Variants in PDE10A observed in about 807,000 individuals in gnomAD.
The protein encoded by PDE10A is phosphodiesterase 10A.
Under a neutral mutation model 97.7 loss-of-function variants are expected in PDE10A, and 39 were observed. The ratio of observed to expected loss-of-function variants is 0.40; its 90% CI spans 0.31 to 0.52. PDE10A has a LOEUF of 0.52. Ranked by LOEUF, PDE10A falls within the 20% of genes least tolerant of loss-of-function variation. The pLI is 0.56. For missense variants in PDE10A, 731 were observed against 1,047.8 expected, an observed-to-expected ratio of 0.70 and a Z score of 4.17; for synonymous variants, 371 against 376.8, an observed-to-expected ratio of 0.98 and a Z score of 0.18.
chr6:165,403,637 T>C (rs530473753), intron 13 of PDE10A, among the ~76,000 whole-genome samples: 1 of 152,354 alleles, frequency 6.6e-6, no homozygotes, highest in East Asian at 1.9e-4. Flanking sequence ...ATATTTTCTA[T>C]ATGTTTGTCA....
intron 1 of PDE10A, among the ~76,000 whole-genome samples, chr6:165,764,828 C>T (rs1055304047): frequency 1.3e-5 from 2 of 152,148 alleles, no homozygotes; most frequent in South Asian, 2.1e-4. Flanking sequence ...GGGACCCGAG[C>T]GGGTTGCCAC....
chr6:165,955,750 C>T (rs528543101), intron 1 of PDE10A, among the ~76,000 whole-genome samples: 1 of 152,128 alleles, frequency 6.6e-6, no homozygotes, highest in Non-Finnish European at 1.5e-5. Context: ...AACTTAAATT[C>T]TAGTAACGTG....
At chr6:165,365,086 A>G (rs1472332275) in intron 18 of PDE10A, among the ~76,000 whole-genome samples, 3 of 152,102 alleles carry the variant, frequency 2.0e-5, no homozygotes, top group Non-Finnish European at 4.4e-5. Context: ...GACAACAAAT[A>G]AATGAAAAAT....
chr6:165,888,248 C>T (rs1039138018), intron 1 of PDE10A, among the ~76,000 whole-genome samples: 9 of 151,980 alleles, frequency 5.9e-5, no homozygotes, highest in Non-Finnish European at 8.8e-5. Context: ...AGCTCATTAC[C>T]TTCCAATCTT....
At chr6:165,769,328 C>T (rs1298981260) in intron 1 of PDE10A, among the ~76,000 whole-genome samples, 2 of 152,182 alleles carry the variant, frequency 1.3e-5, no homozygotes, top group Non-Finnish European at 2.9e-5. Flanking sequence ...TTTATAGTGA[C>T]TCTGTGTTAT....
intron 1 of PDE10A, among the ~76,000 whole-genome samples, chr6:165,805,175 G>A (rs1262568017): frequency 6.6e-6 from 1 of 152,174 alleles, no homozygotes; most frequent in East Asian, 2.0e-4. Context: ...CGTGGGACGC[G>A]CGGTTCTTCC....
At chr6:165,958,522 A>G (rs1267058982) in intron 1 of PDE10A, among the ~76,000 whole-genome samples, 4 of 15,330 alleles carry the variant, frequency 2.6e-4, no homozygotes, top group East Asian at 4.4e-3. Flanking sequence ...AGAAAGAAAG[A>G]AAGAAAGAAA....
intron 2 of PDE10A, among the ~76,000 whole-genome samples, chr6:165,519,884 A>G (rs1444999091): frequency 6.6e-6 from 1 of 152,142 alleles, no homozygotes; most frequent in Non-Finnish European, 1.5e-5. Flanking sequence ...TAGGGAAGAA[A>G]TGCCTAAGTC....
At chr6:165,434,585 G>A (rs918001726) in intron 6 of PDE10A, among the ~76,000 whole-genome samples, 2 of 152,128 alleles carry the variant, frequency 1.3e-5, no homozygotes, top group African/African-American at 4.8e-5. Context: ...ATTTGCTCTG[G>A]CTAATGGGAG....
intron 1 of PDE10A, among the ~76,000 whole-genome samples, chr6:165,865,031 A>G (rs774488258): frequency 2.2e-4 from 34 of 152,308 alleles, no homozygotes; most frequent in Non-Finnish European, 4.1e-4. Flanking sequence ...CTTTACCACC[A>G]CCTGGAAGCT....
chr6:165,525,156 T>C (rs1002465712), intron 2 of PDE10A, among the ~76,000 whole-genome samples: 6 of 151,994 alleles, frequency 3.9e-5, no homozygotes, highest in African/African-American at 1.4e-4. Context: ...AAGTTGAGAG[T>C]GTGACCCATG....
intron 5 of PDE10A, among the ~76,000 whole-genome samples, chr6:165,447,917 A>G (rs2128247966): frequency 6.6e-6 from 1 of 152,338 alleles, no homozygotes; most frequent in African/African-American, 2.4e-5. Flanking sequence ...GGCCATGGAA[A>G]TGAATAAGAA....
At chr6:165,744,814 C>G (rs573759652) in intron 1 of PDE10A, among the ~76,000 whole-genome samples, 1 of 150,582 alleles carries the variant, frequency 6.6e-6, no homozygotes, top group Non-Finnish European at 1.5e-5. Flanking sequence ...ACATATCCAG[C>G]CCAGGGTTTT....
chr6:165,624,272 C>T (rs1774619885), intron 1 of PDE10A, among the ~76,000 whole-genome samples: 1 of 152,182 alleles, frequency 6.6e-6, no homozygotes, highest in South Asian at 2.1e-4. Context: ...TCGCTCCCCA[C>T]CCAACCCATG....
At chr6:165,651,765 T>C (rs1351962330) in intron 1 of PDE10A, among the ~76,000 whole-genome samples, 1 of 152,236 alleles carries the variant, frequency 6.6e-6, no homozygotes, top group Non-Finnish European at 1.5e-5. Flanking sequence ...CATTTAAATA[T>C]ACACATAAAT....
At chr6:165,336,436 CAT>C (rs1406979387) in intron 20 of PDE10A, among the ~76,000 whole-genome samples, 2 of 152,272 alleles carry the variant, frequency 1.3e-5, no homozygotes, top group East Asian at 3.9e-4. Flanking sequence ...AGATTCAAAA[CAT>C]ATTACAAAGG....
At chr6:165,535,734 T>C (rs1202835842) in intron 2 of PDE10A, among the ~76,000 whole-genome samples, 1 of 151,890 alleles carries the variant, frequency 6.6e-6, no homozygotes, top group Non-Finnish European at 1.5e-5. Flanking sequence ...ATCTTTTCTA[T>C]ATAATGATTT....
intron 1 of PDE10A, among the ~76,000 whole-genome samples, chr6:165,742,315 G>A (rs984225691): frequency 6.6e-6 from 1 of 152,092 alleles, no homozygotes; most frequent in Non-Finnish European, 1.5e-5. Flanking sequence ...AAGTGCTCTC[G>A]CTGTTTCCCG....
chr6:165,682,166 CT>C (rs773158645), intron 1 of PDE10A, among the ~76,000 whole-genome samples: 2 of 152,194 alleles, frequency 1.3e-5, no homozygotes, highest in Non-Finnish European at 1.5e-5. Context: ...CGGTCTCACT[CT>C]GTCACCCAGG....
Sources: gnomAD v4.1 joint callset for allele counts (sites outside exome capture counted in the v4.1 genomes callset) on GRCh38, gnomAD v4.1.1 for gene constraint, MANE v1.5 for transcripts, NCBI Gene and HGNC (gene_info 2026-07-23, HGNC 2026-07-21) for gene names.